The following MMP16 variants were observed in gnomAD, a reference collection of about 807,000 sequenced individuals.
The protein encoded by MMP16 is matrix metallopeptidase 16, also known as matrix metalloproteinase-16.
MMP16 carries 12 observed loss-of-function variants against 67.8 expected under a neutral mutation model. That is an observed-to-expected ratio of 0.18 (90% CI 0.11 to 0.29). The LOEUF (loss-of-function observed/expected upper bound fraction) is 0.29, where lower values mean the gene tolerates loss of function less well. Ranked by LOEUF, MMP16 falls within the 10% of genes least tolerant of loss-of-function variation. The pLI is 1.00. For synonymous variants in MMP16, 249 were observed against 255.9 expected, an observed-to-expected ratio of 0.97 and a Z score of 0.26; for missense variants, 475 against 765.7, an observed-to-expected ratio of 0.62 and a Z score of 4.48.
chr8:88,142,583 A>G (rs1201569101), intron 4 of MMP16, among the ~76,000 whole-genome samples: 1 of 152,192 alleles, frequency 6.6e-6, no homozygotes, highest in Non-Finnish European at 1.5e-5. Flanking sequence ...TATTGTTTAT[A>G]TGATTAAAAA....
chr8:88,149,104 G>A (rs1042394996), intron 4 of MMP16, among the ~76,000 whole-genome samples: 23 of 152,186 alleles, frequency 1.5e-4, no homozygotes, highest in African/African-American at 5.5e-4. Flanking sequence ...GGTGACGGAC[G>A]CACCTGGAAA....
intron 4 of MMP16, among the ~76,000 whole-genome samples, chr8:88,150,740 A>G (rs1446960650): frequency 6.7e-6 from 1 of 149,824 alleles, no homozygotes; most frequent in African/African-American, 2.5e-5. Context: ...AACAACCGGT[A>G]CCAGCCGCTG....
chr8:88,193,375 A>C (rs1239401233), intron 2 of MMP16, among the ~76,000 whole-genome samples: 1 of 152,140 alleles, frequency 6.6e-6, no homozygotes, highest in Admixed American at 6.6e-5. Context: ...CAAAACACAC[A>C]AAAAGAACTT....
intron 6 of MMP16, among the ~76,000 whole-genome samples, chr8:88,085,517 C>T (rs1368917036): frequency 6.6e-6 from 1 of 152,044 alleles, no homozygotes; most frequent in African/African-American, 2.4e-5. Flanking sequence ...CAGTACATCT[C>T]AATAGGTCAA....
intron 1 of MMP16, among the ~76,000 whole-genome samples, chr8:88,268,095 C>T (rs1810506960): frequency 6.6e-6 from 1 of 152,200 alleles, no homozygotes; most frequent in Admixed American, 6.5e-5. Flanking sequence ...GTAATCCCAG[C>T]ATTTTGGGAG....
chr8:88,144,441 A>T (rs1054776491), intron 4 of MMP16, among the ~76,000 whole-genome samples: 1 of 151,820 alleles, frequency 6.6e-6, no homozygotes, highest in African/African-American at 2.4e-5. Flanking sequence ...GTATAGGTAT[A>T]TATGTATATG....
chr8:88,304,041 G>C (rs562554756), intron 1 of MMP16, among the ~76,000 whole-genome samples: 1 of 152,014 alleles, frequency 6.6e-6, no homozygotes, highest in East Asian at 1.9e-4. Flanking sequence ...AAGAAACTAA[G>C]AATCATGATA....
intron 4 of MMP16, among the ~76,000 whole-genome samples, chr8:88,157,409 C>T (rs911886289): frequency 1.3e-5 from 2 of 151,834 alleles, no homozygotes; most frequent in African/African-American, 2.4e-5. Flanking sequence ...CTGTGCATCT[C>T]GGTGTCTGCA....
chr8:88,047,065 T>C (rs1472682637), intron 8 of MMP16, among the ~76,000 whole-genome samples: 2 of 150,728 alleles, frequency 1.3e-5, no homozygotes, highest in Non-Finnish European at 2.9e-5. Context: ...AATAAGTTCT[T>C]ATTCAGTATG....
intron 7 of MMP16, among the ~76,000 whole-genome samples, chr8:88,069,924 T>A (rs1586133863): frequency 6.6e-6 from 1 of 152,288 alleles, no homozygotes; most frequent in African/African-American, 2.4e-5. Flanking sequence ...CTAATGTTCT[T>A]AGATTTTGTA....
chr8:88,294,385 CACATATATACATATGTATAT>C (rs1371321035), intron 1 of MMP16, among the ~76,000 whole-genome samples: 1 of 150,438 alleles, frequency 6.6e-6, no homozygotes, highest in Non-Finnish European at 1.5e-5. Flanking sequence ...CATCTATACA[CACATATATACATATGTATAT>C]ACATATATAC....
At chr8:88,294,202 A>G (rs1305222946) in intron 1 of MMP16, among the ~76,000 whole-genome samples, 1 of 150,996 alleles carries the variant, frequency 6.6e-6, no homozygotes, top group Non-Finnish European at 1.5e-5. Context: ...ACATATATAG[A>G]CTATATATGT....
intron 6 of MMP16, among the ~76,000 whole-genome samples, chr8:88,096,668 A>G (rs1809032115): frequency 6.6e-6 from 1 of 151,924 alleles, no homozygotes; most frequent in Non-Finnish European, 1.5e-5. Flanking sequence ...CCCTGTCAGG[A>G]AGATTGATTA....
chr8:88,050,640 G>T (rs1211139792), intron 8 of MMP16, among the ~76,000 whole-genome samples: 1 of 152,110 alleles, frequency 6.6e-6, no homozygotes, highest in African/African-American at 2.4e-5. Context: ...AGAGCATTGG[G>T]TATCATATTA....
chr8:88,248,925 T>C (rs1221362423), intron 1 of MMP16, among the ~76,000 whole-genome samples: 1 of 152,100 alleles, frequency 6.6e-6, no homozygotes, highest in African/African-American at 2.4e-5. Context: ...TAATCTGTAA[T>C]TGTTTTTGTT....
chr8:88,313,006 A>C (rs1811320624), intron 1 of MMP16, among the ~76,000 whole-genome samples: 1 of 152,168 alleles, frequency 6.6e-6, no homozygotes, highest in South Asian at 2.1e-4. Context: ...GTGAGTGTCC[A>C]TTTTTTATAA....
intron 4 of MMP16, among the ~76,000 whole-genome samples, chr8:88,163,059 G>A (rs910861066): frequency 2.6e-5 from 4 of 152,054 alleles, no homozygotes; most frequent in Non-Finnish European, 5.9e-5. Flanking sequence ...GCTGTAAAAT[G>A]AGCAGGAAAG....
chr8:88,309,576 T>C (rs143430470), intron 1 of MMP16, among the ~76,000 whole-genome samples: 2,463 of 152,144 alleles, frequency 0.016, 22 homozygotes, highest in Non-Finnish European at 0.022. Context: ...AAAGGCTCCA[T>C]GTGTTTCGTT....
At chr8:88,130,420 T>C (rs1044835551) in intron 4 of MMP16, among the ~76,000 whole-genome samples, 10 of 151,696 alleles carry the variant, frequency 6.6e-5, no homozygotes, top group Non-Finnish European at 1.3e-4. Flanking sequence ...TAGTTTGGAT[T>C]TAGAGAGGCA....
Sources: gnomAD v4.1 joint callset for allele counts (sites outside exome capture counted in the v4.1 genomes callset) on GRCh38, gnomAD v4.1.1 for gene constraint, MANE v1.5 for transcripts, NCBI Gene and HGNC (gene_info 2026-07-23, HGNC 2026-07-21) for gene names.